NLGN1: variants seen among roughly 807,000 people sequenced by gnomAD.
The protein encoded by NLGN1 is neuroligin 1, also known as neuroligin-1.
Under a neutral mutation model 65.5 loss-of-function variants are expected in NLGN1, and 12 were observed. That is an observed-to-expected ratio of 0.18 (90% CI 0.12 to 0.30). NLGN1 has a LOEUF of 0.30. Ranked by LOEUF, NLGN1 falls within the 10% of genes least tolerant of loss-of-function variation. The pLI, the probability that NLGN1 is intolerant of heterozygous loss-of-function variation, is 1.00. For missense variants in NLGN1, 750 were observed against 1,007.1 expected, an observed-to-expected ratio of 0.74 and a Z score of 3.46; for synonymous variants, 350 against 359.5, an observed-to-expected ratio of 0.97 and a Z score of 0.30.
chr3:174,190,393 C>T (rs1732166728), intron 4 of NLGN1, among the ~76,000 whole-genome samples: 1 of 151,760 alleles, frequency 6.6e-6, no homozygotes, highest in Admixed American at 6.6e-5. Flanking sequence ...TTGAAGGTGC[C>T]TGGAGAAGTA....
chr3:174,169,315 C>T (rs558976227), intron 4 of NLGN1, among the ~76,000 whole-genome samples: 5 of 152,224 alleles, frequency 3.3e-5, no homozygotes, highest in Non-Finnish European at 5.9e-5. Context: ...CAGAGAGGAC[C>T]TTGATGCACC....
chr3:173,747,090 ACAAACAC>A (rs1775525174), intron 3 of NLGN1, among the ~76,000 whole-genome samples: 1 of 147,562 alleles, frequency 6.8e-6, no homozygotes, highest in Non-Finnish European at 1.5e-5. Context: ...ACACACACAC[ACAAACAC>A]ACACGTGTGT....
chr3:173,977,058 CT>C (rs1717624242), intron 4 of NLGN1, among the ~76,000 whole-genome samples: 1 of 151,578 alleles, frequency 6.6e-6, no homozygotes, highest in African/African-American at 2.4e-5. Flanking sequence ...CAAAGTACTT[CT>C]TTTATAAAGA....
intron 3 of NLGN1, among the ~76,000 whole-genome samples, chr3:173,632,212 C>G (rs539541947): frequency 6.6e-6 from 1 of 152,090 alleles, no homozygotes; most frequent in African/African-American, 2.4e-5. Flanking sequence ...AGGGCAGCAT[C>G]GTTGGAAATG....
At chr3:174,197,022 G>C (rs956282041) in intron 4 of NLGN1, among the ~76,000 whole-genome samples, 8 of 152,116 alleles carry the variant, frequency 5.3e-5, no homozygotes, top group African/African-American at 9.7e-5. Flanking sequence ...TTATAACAAA[G>C]TCATTTGGAG....
intron 4 of NLGN1, among the ~76,000 whole-genome samples, chr3:174,239,323 C>T (rs1037889802): frequency 1.3e-5 from 2 of 152,158 alleles, no homozygotes; most frequent in African/African-American, 4.8e-5. Context: ...CCCACGTCGG[C>T]TTCCCAAAAT....
chr3:173,814,902 A>C (rs1209853513), intron 4 of NLGN1, among the ~76,000 whole-genome samples: 5 of 152,186 alleles, frequency 3.3e-5, no homozygotes, highest in Non-Finnish European at 7.4e-5. Context: ...GAAATAGTGC[A>C]ATGAGAAGGG....
At chr3:174,008,370 G>A (rs577865578) in intron 4 of NLGN1, among the ~76,000 whole-genome samples, 5 of 117,444 alleles carry the variant, frequency 4.3e-5, no homozygotes, top group Admixed American at 1.1e-4. Flanking sequence ...CCCCGCCCAC[G>A]GAGGAGCTCT....
intron 3 of NLGN1, among the ~76,000 whole-genome samples, chr3:173,795,251 A>G (rs950954999): frequency 6.6e-6 from 1 of 152,102 alleles, no homozygotes; most frequent in African/African-American, 2.4e-5. Flanking sequence ...CAAGTGTTCC[A>G]AAATTCACTT....
chr3:173,605,233 T>G, intron 3 of NLGN1, 142 bp downstream of exon 2: 1 of 686,172 alleles, frequency 1.5e-6, no homozygotes, highest in Non-Finnish European at 2.4e-6. Flanking sequence ...GCGTGCATGG[T>G]GCTCTTTTTG....
intron 3 of NLGN1, among the ~76,000 whole-genome samples, chr3:173,627,766 AT>A (rs199733120): frequency 4.0e-5 from 6 of 150,684 alleles, no homozygotes; most frequent in South Asian, 2.1e-4. Flanking sequence ...CTTTTTTGGC[AT>A]TTTTTTTCTT....
chr3:174,003,409 A>C (rs1318011532), intron 4 of NLGN1, among the ~76,000 whole-genome samples: 1 of 152,146 alleles, frequency 6.6e-6, no homozygotes, highest in Non-Finnish European at 1.5e-5. Flanking sequence ...ATTGCCGGAA[A>C]TACATAATAT....
intron 3 of NLGN1, among the ~76,000 whole-genome samples, chr3:173,696,494 G>A (rs9856063): frequency 0.036 from 5,539 of 152,176 alleles, 111 homozygotes; most frequent in Middle Eastern, 0.048. Flanking sequence ...AAGAGATCCA[G>A]CCCATTGCTG....
intron 4 of NLGN1, among the ~76,000 whole-genome samples, chr3:173,908,484 T>A (rs1738900181): frequency 6.6e-6 from 1 of 152,000 alleles, no homozygotes; most frequent in African/African-American, 2.4e-5. Flanking sequence ...TGAGAGAAGC[T>A]CAGAGTTGTT....
intron 4 of NLGN1, among the ~76,000 whole-genome samples, chr3:173,896,041 G>A (rs986813019): frequency 6.6e-6 from 1 of 152,080 alleles, no homozygotes; most frequent in Middle Eastern, 3.2e-3. Flanking sequence ...TTGAGTCTCT[G>A]GAGATGAATT....
intron 3 of NLGN1, among the ~76,000 whole-genome samples, chr3:173,764,832 C>A (rs1778509791): frequency 6.6e-6 from 1 of 152,078 alleles, no homozygotes; most frequent in Admixed American, 6.6e-5. Context: ...ATATTAGTAT[C>A]ATTTTTCTAG....
intron 4 of NLGN1, among the ~76,000 whole-genome samples, chr3:173,820,748 A>C (rs1260232525): frequency 1.3e-5 from 2 of 152,198 alleles, no homozygotes; most frequent in Admixed American, 6.5e-5. Context: ...ATGGTTGACC[A>C]GAGGTAACCG....
At chr3:173,450,786 T>G (rs925692658) in intron 2 of NLGN1, among the ~76,000 whole-genome samples, 68 of 152,226 alleles carry the variant, frequency 4.5e-4, no homozygotes, top group African/African-American at 1.6e-3. Context: ...TCTCTAAACT[T>G]GTATTCACGC....
chr3:174,244,699 CTT>C (rs1743477339), intron 4 of NLGN1, among the ~76,000 whole-genome samples: 1 of 152,056 alleles, frequency 6.6e-6, no homozygotes, highest in Non-Finnish European at 1.5e-5. Context: ...TATATTGAGT[CTT>C]TTAAAAGGCA....
Sources: gnomAD v4.1 joint callset for allele counts (sites outside exome capture counted in the v4.1 genomes callset) on GRCh38, gnomAD v4.1.1 for gene constraint, MANE v1.5 for transcripts, NCBI Gene and HGNC (gene_info 2026-07-23, HGNC 2026-07-21) for gene names.